The following IQCK variants were observed in gnomAD, a reference collection of about 807,000 sequenced individuals.
IQCK encodes IQ motif containing K, also known as IQ domain-containing protein K.
Under a neutral mutation model 28.1 loss-of-function variants are expected in IQCK, and 29 were observed. The observed-to-expected ratio is 1.03, with a 90% CI of 0.77 to 1.41. IQCK has a LOEUF of 1.41. IQCK is among the 40% of genes most tolerant of loss of function. The probability of loss-of-function intolerance (pLI) is 0.00; values close to 1 mark genes in which losing one functional copy is unlikely to be tolerated. For synonymous variants in IQCK, 113 were observed against 115.1 expected, an observed-to-expected ratio of 0.98 and a Z score of 0.12; for missense variants, 359 against 314.7, an observed-to-expected ratio of 1.14 and a Z score of -1.07.
intron 6 of IQCK, among the ~76,000 whole-genome samples, chr16:19,773,071 T>A (rs564198549): frequency 1.3e-5 from 2 of 152,128 alleles, no homozygotes; most frequent in Admixed American, 1.3e-4. Flanking sequence ...CACTTGATAG[T>A]GTAGGAGATG....
chr16:19,728,155 G>A (rs1382678704), intron 1 of IQCK, among the ~76,000 whole-genome samples: 6 of 151,960 alleles, frequency 3.9e-5, no homozygotes, highest in African/African-American at 1.2e-4. Context: ...TACCCATGGC[G>A]AGAACCTGAG....
rs369882772 is a variant in IQCK, at chr16:19,752,957, C to T, written c.475-10891C>T. ...TGATGTCTCCATGACTGTTCTCTCT[C>T]TTCTTCTCTTGACTGCTTCGTCTGG... On this transcript the variant is annotated intron_variant, in intron 4 of 7. Transcript: ENST00000564186. Among the ~76,000 whole-genome samples, 28 of 152,308 alleles carry T rather than the reference C, an allele frequency of 1.8e-4. No homozygotes were observed. The South Asian group carries it at 3.5e-3, about 19-fold the overall frequency.
intron 9 of IQCK, among the ~76,000 whole-genome samples, chr16:19,853,297 C>T (rs2056509767): frequency 6.6e-6 from 1 of 152,188 alleles, no homozygotes; most frequent in South Asian, 2.1e-4. Flanking sequence ...AGCCCGTCAA[C>T]TCGAGATAAC....
Position 19,805,282 on chromosome 16 carries a change from A to G in IQCK, c.690+16360A>G, listed in dbSNP as rs930213754. On this transcript the variant is annotated intron_variant, in intron 7 of 7. Coordinates refer to ENST00000564186, the Ensembl canonical transcript of IQCK. ...GTGTATGAGTCACATTTTCCTGGTA[A>G]ATAGTATGCTGCCTAGATCTCCTGT... Among the ~76,000 whole-genome samples the G allele has an allele frequency of 2.6e-5, 4 of 152,150 alleles. No homozygotes were observed. The East Asian group carries it at 7.7e-4, about 29-fold the overall frequency.
chr16:19,753,816 C>A (rs574456432), intron 4 of IQCK, among the ~76,000 whole-genome samples: 5 of 152,028 alleles, frequency 3.3e-5, no homozygotes, highest in African/African-American at 1.2e-4. Context: ...TCAGCTTTAT[C>A]CCGGGCTGGC....
In IQCK at chr16:19,827,121, C is replaced by T. The variant is rs542957431; in HGVS notation, c.786C>T (p.Ala262=). Residue 262 remains alanine, a synonymous_variant, in exon 8 of 8, where the codon GCC becomes GCT. Coordinates refer to ENST00000564186, the Ensembl canonical transcript of IQCK. ...ACCAGCAAGTCAAAATTTTCTGGGC[C>T]AAGCAAGAACAAAAAGGTAAGTTGC... is the stretch of plus-strand genomic sequence containing the variant. 2.0e-5 allele frequency: 32 copies of T among 1,612,194 alleles called. 2 individuals carry two copies. The South Asian group carries it at 3.1e-4, about 15-fold the overall frequency.
intron 6 of IQCK, among the ~76,000 whole-genome samples, chr16:19,783,867 C>T (rs770204333): frequency 2.6e-5 from 4 of 152,262 alleles, no homozygotes; most frequent in Non-Finnish European, 4.4e-5. Flanking sequence ...TGATGCATAG[C>T]GGTTCAGGGT....
chr16:19,849,949 A>G (rs1196234073), intron 9 of IQCK, among the ~76,000 whole-genome samples: 1 of 152,160 alleles, frequency 6.6e-6, no homozygotes, highest in Non-Finnish European at 1.5e-5. Context: ...GAACAATTTC[A>G]AATTTGCATA....
At chr16:19,828,070 G>T (rs552014744), downstream of IQCK, among the ~76,000 whole-genome samples, 11 of 151,588 alleles carry the variant, frequency 7.3e-5, no homozygotes, top group African/African-American at 2.7e-4. Flanking sequence ...GCTCCACCAC[G>T]CCTGGGTAAT....
intron 4 of IQCK, among the ~76,000 whole-genome samples, chr16:19,742,780 GT>G (rs1386929410): frequency 1.3e-5 from 2 of 152,134 alleles, no homozygotes; most frequent in Non-Finnish European, 2.9e-5. Flanking sequence ...TTATTTTTCT[GT>G]TTTTTCTTTC....
intron 1 of IQCK, among the ~76,000 whole-genome samples, chr16:19,726,009 G>A (rs936796805): frequency 2.0e-5 from 3 of 150,646 alleles, no homozygotes; most frequent in Admixed American, 6.6e-5. Context: ...TCCACCTCCC[G>A]AGTTCACACC....
chr16:19,818,133 A>G (rs765757820), intron 7 of IQCK, among the ~76,000 whole-genome samples: 4 of 152,220 alleles, frequency 2.6e-5, no homozygotes, highest in Non-Finnish European at 5.9e-5. Flanking sequence ...TGGGTTGCTG[A>G]GATCACAGCT....
chr16:19,820,040 G>A (rs1338202264), intron 7 of IQCK, among the ~76,000 whole-genome samples: 1 of 152,058 alleles, frequency 6.6e-6, no homozygotes, highest in African/African-American at 2.4e-5. Context: ...ATATCCACAT[G>A]CCAAAAATGA....
intron 4 of IQCK, chr16:19,735,792 G>A (rs941512371): frequency 1.5e-5 from 5 of 339,292 alleles, no homozygotes; most frequent in Non-Finnish European, 1.1e-5. Context: ...GCCGGGCACG[G>A]TGGCCCATGC....
chr16:19,740,709 G>T (rs1233011853), intron 4 of IQCK, among the ~76,000 whole-genome samples: 1 of 152,108 alleles, frequency 6.6e-6, no homozygotes, highest in Non-Finnish European at 1.5e-5. Flanking sequence ...GGTGGGTCAT[G>T]CCTGTAATGC....
downstream of IQCK, among the ~76,000 whole-genome samples, chr16:19,828,157 C>T (rs1320746324): frequency 6.6e-6 from 1 of 151,740 alleles, no homozygotes; most frequent in Admixed American, 6.6e-5. Flanking sequence ...AAGTGATCTG[C>T]TGCCTCGGCC....
chr16:19,836,259 A>G (rs1040941453), intron 9 of IQCK, among the ~76,000 whole-genome samples: 2 of 152,174 alleles, frequency 1.3e-5, no homozygotes, highest in Non-Finnish European at 2.9e-5. Flanking sequence ...AAAATAAATA[A>G]TTTGATTAAG....
At chr16:19,727,519 G>A (rs1051188219) in intron 1 of IQCK, among the ~76,000 whole-genome samples, 6 of 151,068 alleles carry the variant, frequency 4.0e-5, no homozygotes, top group South Asian at 4.2e-4. Context: ...CCCAGGAGGC[G>A]GAGGTTGCAG....
rs1014331707 is a variant in IQCK at position 19,730,355 on chromosome 16, A to G, written c.182-75A>G. 3.3e-5 allele frequency: 38 copies of G among 1,137,724 alleles called. No homozygotes were observed. In the African/African-American group the frequency reaches 5.5e-4, roughly 16 times the overall value. 70.5% of individuals were successfully genotyped at this position (1,137,724 alleles called of 1,614,324 possible). The stretch of plus-strand genomic sequence containing the variant: ...CCAAAATAAAATTTAAGAATGTTTT[A>G]TTCAGGGAGAAGGAAATTACACCAG... On this transcript the variant is annotated intron_variant, in intron 1 of 7. Transcript: ENST00000564186.
Sources: gnomAD v4.1 joint callset for allele counts (sites outside exome capture counted in the v4.1 genomes callset) on GRCh38, gnomAD v4.1.1 for gene constraint, MANE v1.5 for transcripts, NCBI Gene and HGNC (gene_info 2026-07-23, HGNC 2026-07-21) for gene names.